Variants in DLGAP2 observed in about 807,000 individuals in gnomAD.
DLGAP2 encodes disks large-associated protein 2.
Under a neutral mutation model 100.3 loss-of-function variants are expected in DLGAP2, and 26 were observed. The observed-to-expected ratio is 0.26, with a 90% CI of 0.19 to 0.36. The LOEUF (loss-of-function observed/expected upper bound fraction) is 0.36, where lower values mean the gene tolerates loss of function less well. DLGAP2 is among the 10% of genes least tolerant of loss of function. DLGAP2 has a pLI of 1.00. For missense variants in DLGAP2, 1,858 were observed against 1,453.2 expected (o/e 1.28, Z -4.53); for synonymous variants, 886 against 630.1 (o/e 1.41, Z -6.08).
At chr8:1,678,709 GAAAAGTTCCTCC>G (rs1481724232) in intron 12 of DLGAP2, 80 bp downstream of exon 12, 1 of 1,364,238 alleles carries the variant, frequency 7.3e-7, no homozygotes, top group Non-Finnish European at 9.5e-7. Context: ...CATTAGTGGA[GAAAAGTTCCTCC>G]CTTTGGTATT....
intron 1 of DLGAP2, among the ~76,000 whole-genome samples, chr8:813,692 C>G (rs2132674108): frequency 6.6e-6 from 1 of 152,256 alleles, no homozygotes; most frequent in Non-Finnish European, 1.5e-5. Flanking sequence ...CTTTTTGTCT[C>G]TAGCACAAAA....
chr8:1,591,686 GCA>G (rs1412196549), intron 6 of DLGAP2, among the ~76,000 whole-genome samples: 5 of 152,042 alleles, frequency 3.3e-5, no homozygotes, highest in African/African-American at 9.7e-5. Flanking sequence ...CTACCCAAAG[GCA>G]TGTGTGCAGC....
At position 1,309,894 on chromosome 8, in the gene DLGAP2, A is replaced by G. The variant is rs1377596028; in HGVS notation, c.106+51011A>G. Among the ~76,000 whole-genome samples, 10 of 152,192 alleles carry G rather than the reference A, an allele frequency of 6.6e-5. No homozygotes were observed. In the East Asian group the frequency reaches 1.7e-3, roughly 26 times the overall value. The stretch of plus-strand genomic sequence containing the variant: ...CAGATTTCTTGAGGTCAGGAGTTCA[A>G]GACCAGCCTAGCCAACATGGTGAAA... On this transcript the variant is annotated intron_variant, in intron 3 of 14. Coordinates refer to ENST00000637795, the MANE Select transcript of DLGAP2 (RefSeq NM_001346810.2).
intron 11 of DLGAP2, among the ~76,000 whole-genome samples, chr8:1,677,727 T>A (rs1026372093): frequency 3.9e-5 from 6 of 152,158 alleles, no homozygotes; most frequent in African/African-American, 9.7e-5. Flanking sequence ...GAATTTGGAG[T>A]CATTATTTTG....
intron 4 of DLGAP2, among the ~76,000 whole-genome samples, chr8:1,519,870 G>C (rs1354716201): frequency 1.3e-5 from 2 of 152,254 alleles, no homozygotes; most frequent in Non-Finnish European, 2.9e-5. Flanking sequence ...GCACAGAGCA[G>C]GGGAGCATGG....
intron 3 of DLGAP2, among the ~76,000 whole-genome samples, chr8:1,497,125 C>T (rs1799572380): frequency 6.6e-6 from 1 of 152,214 alleles, no homozygotes; most frequent in Admixed American, 6.5e-5. Context: ...GGAAGCCCCA[C>T]CCGGAGTTGC....
At chr8:1,174,307 T>C (rs201874727) in intron 2 of DLGAP2, among the ~76,000 whole-genome samples, 5 of 147,290 alleles carry the variant, frequency 3.4e-5, no homozygotes, top group East Asian at 2.1e-4. Context: ...CCACCGTCAT[T>C]ACCATTACCA....
At chr8:1,112,532 G>A (rs552344171) in intron 2 of DLGAP2, among the ~76,000 whole-genome samples, 104 of 152,200 alleles carry the variant, frequency 6.8e-4, no homozygotes, top group African/African-American at 2.2e-3. Flanking sequence ...GAGCCACCGC[G>A]CCCGGGCGTC....
chr8:970,401 C>A (rs1037460408), intron 2 of DLGAP2, among the ~76,000 whole-genome samples: 3 of 152,172 alleles, frequency 2.0e-5, no homozygotes, highest in African/African-American at 7.2e-5. Context: ...ACACATTTTT[C>A]TCCAGAGAGG....
rs182491638 is a variant in DLGAP2, at chr8:1,442,608, C to T, written c.107-58758C>T. Among the ~76,000 whole-genome samples, 119 of 144,622 alleles carry T rather than the reference C, an allele frequency of 8.2e-4. 1 individual carries two copies. Among genetic ancestry groups the T allele is most frequent in the African/African-American group, 2.7e-3 (102 of 37,872 alleles). 94.9% of individuals were successfully genotyped at this position (144,622 alleles called of 152,430 possible). ...GGTTCAGCCACTGGGGGAGACGGAT[C>T]GGGGCATAGACCCGCCAGGCTGATG... is the stretch of plus-strand genomic sequence containing the variant. On this transcript the variant is annotated intron_variant, in intron 3 of 14. Transcript: ENST00000637795.
rs77525453 is a variant in DLGAP2 at position 1,316,037 on chromosome 8, T to C, written c.106+57154T>C. Among the ~76,000 whole-genome samples, 718 of 85,298 alleles carry C rather than the reference T, an allele frequency of 8.4e-3. 8 individuals are homozygous for C. The highest frequency in any genetic ancestry group is 0.022 in the Middle Eastern group (2 of 90). 56.0% of individuals were successfully genotyped at this position (85,298 alleles called of 152,430 possible). The stretch of plus-strand genomic sequence containing the variant: ...AACAGTGGTCTACACTCGAGACACT[T>C]GGCAGCTTTTAAAAATAGAGCGTGT... On this transcript the variant is annotated intron_variant, in intron 3 of 14. Transcript: ENST00000637795.
At chr8:1,156,976 T>TA (rs1242060412) in intron 2 of DLGAP2, among the ~76,000 whole-genome samples, 12 of 152,200 alleles carry the variant, frequency 7.9e-5, no homozygotes, top group African/African-American at 2.6e-4. Flanking sequence ...TCTCCACTGT[T>TA]ACAGCTCCTC....
chr8:1,450,398 C>T (rs1418884135), intron 3 of DLGAP2, among the ~76,000 whole-genome samples: 1 of 121,394 alleles, frequency 8.2e-6, no homozygotes, highest in Non-Finnish European at 1.8e-5. Context: ...AGGTGGGCGG[C>T]CTCGGTGGCT....
intron 4 of DLGAP2, among the ~76,000 whole-genome samples, chr8:1,537,474 T>C (rs34078480): frequency 0.37 from 56,881 of 152,024 alleles, 11,213 homozygotes; most frequent in South Asian, 0.53. Flanking sequence ...ACCACCACCC[T>C]GCCCCAGTCT....
chr8:802,460 T>C (rs547641327), intron 1 of DLGAP2, among the ~76,000 whole-genome samples: 23 of 152,278 alleles, frequency 1.5e-4, no homozygotes, highest in South Asian at 4.1e-4. Flanking sequence ...GGGTCCCGCA[T>C]TGGGGTCGTG....
At chr8:1,477,934 G>A (rs1414310874) in intron 3 of DLGAP2, among the ~76,000 whole-genome samples, 1 of 152,178 alleles carries the variant, frequency 6.6e-6, no homozygotes, top group African/African-American at 2.4e-5. Context: ...CAGTCTGGTG[G>A]AAAATGCATT....
At chr8:1,296,560 C>A (rs1800180472) in intron 3 of DLGAP2, among the ~76,000 whole-genome samples, 1 of 152,070 alleles carries the variant, frequency 6.6e-6, no homozygotes. Context: ...TTATTAAATT[C>A]TTTTTGGGAT....
At chr8:805,816 A>G (rs1282847496) in intron 1 of DLGAP2, among the ~76,000 whole-genome samples, 1 of 152,144 alleles carries the variant, frequency 6.6e-6, no homozygotes, top group Admixed American at 6.5e-5. Context: ...GAGCCACCGC[A>G]CGCAGCCTGC....
At chr8:923,835 G>A (rs1798762311) in intron 2 of DLGAP2, among the ~76,000 whole-genome samples, 3 of 152,176 alleles carry the variant, frequency 2.0e-5, no homozygotes, top group African/African-American at 2.4e-5. Context: ...ATCAAAGACT[G>A]CCAAAGGTCT....
Sources: gnomAD v4.1 joint callset for allele counts (sites outside exome capture counted in the v4.1 genomes callset) on GRCh38, gnomAD v4.1.1 for gene constraint, MANE v1.5 for transcripts, NCBI Gene and HGNC (gene_info 2026-07-23, HGNC 2026-07-21) for gene names.